Variants in EIF2AK3 observed in about 807,000 individuals in gnomAD.
EIF2AK3 encodes eukaryotic translation initiation factor 2 alpha kinase 3.
A neutral mutation model predicts 113.5 loss-of-function variants in EIF2AK3; 50 were observed. The ratio of observed to expected loss-of-function variants is 0.44; its 90% CI spans 0.35 to 0.56. EIF2AK3 has a LOEUF of 0.56. EIF2AK3 is among the 20% of genes least tolerant of loss of function. EIF2AK3 has a pLI of 0.00. For missense variants in EIF2AK3, 1,185 were observed against 1,378.0 expected, an observed-to-expected ratio of 0.86 and a Z score of 2.22; for synonymous variants, 448 against 495.4, an observed-to-expected ratio of 0.90 and a Z score of 1.27.
In EIF2AK3 at chr2:88,574,655, C is replaced by T. The variant is rs183891065; in HGVS notation, c.2817+11G>A. ...TTGAAACCCCAAGGGTGATGCTCCA[C>T]AAATACAGACCTTGAGGTCCCTGTG... On this transcript the variant is annotated intron_variant, in intron 13 of 16. Coordinates refer to ENST00000303236, the MANE Select transcript of EIF2AK3 (RefSeq NM_004836.7). 12 of 1,613,908 alleles carry T rather than the reference C, an allele frequency of 7.4e-6. No individual in the cohort carries two copies. The highest frequency in any genetic ancestry group is 1.7e-4 in the Middle Eastern group (1 of 6,060).
chr2:88,587,964 C>G lies in EIF2AK3; in HGVS notation c.1429+18G>C, dbSNP rs1674781821. ...AAATTAAAAAATAAAATAAATAAAA[C>G]TCAGTATTTTCACTTACCATATGGA... is the stretch of plus-strand genomic sequence containing the variant. On this transcript the variant is annotated intron_variant, in intron 8 of 16. Transcript: ENST00000303236. 1 of 1,506,662 alleles carries G rather than the reference C, an allele frequency of 6.6e-7. No homozygotes were observed. The highest frequency in any genetic ancestry group is 1.4e-5 in the African/African-American group (1 of 72,194). The allele number at this position is 1,506,662 out of a possible 1,614,324, so 93.3% of individuals were successfully genotyped here.
At chr2:88,617,550 T>C (rs1322146464) in intron 1 of EIF2AK3, among the ~76,000 whole-genome samples, 1 of 150,690 alleles carries the variant, frequency 6.6e-6, no homozygotes, top group East Asian at 2.0e-4. Context: ...GGTCAGGAGA[T>C]CAAGACCATC....
chr2:88,606,374 A>G (rs1675278007), intron 2 of EIF2AK3, among the ~76,000 whole-genome samples: 3 of 152,226 alleles, frequency 2.0e-5, no homozygotes, highest in Non-Finnish European at 4.4e-5. Context: ...ATGCTGGGAT[A>G]AATTAGCTTA....
chr2:88,586,003 A>T lies in EIF2AK3; in HGVS notation c.1488T>A (p.Ile496=), dbSNP rs759758335. 1 of 1,614,124 alleles carries T rather than the reference A, an allele frequency of 6.2e-7. No individual in the cohort carries two copies. Among genetic ancestry groups the T allele is most frequent in the Non-Finnish European group, 8.5e-7 (1 of 1,179,982 alleles). The stretch of plus-strand genomic sequence containing the variant: ...GTGGGTTGTCGAGGAATCTGACTGT[A>T]ATCTGTGTGCTTCGTTTGTTCCTCT... The part of the protein sequence containing the change: ...KRERNKRSTQ[I]TVRFLDNPHY... The change falls in exon 9 of 17, where the codon ATT becomes ATA. Residue 496 remains isoleucine, a synonymous_variant. Transcript: ENST00000303236.
chr2:88,567,367 G>A (rs1180726810), intron 14 of EIF2AK3, among the ~76,000 whole-genome samples: 1 of 152,136 alleles, frequency 6.6e-6, no homozygotes, highest in African/African-American at 2.4e-5. Flanking sequence ...TTTGTCGTCT[G>A]TAAGTGATAC....
chr2:88,595,537 C>T lies in EIF2AK3; in HGVS notation c.565G>A (p.Gly189Arg), dbSNP rs1394978406. The T allele has an allele frequency of 1.2e-6, 2 of 1,613,980 alleles. No homozygotes were observed. Among genetic ancestry groups the T allele is most frequent in the Non-Finnish European group, 8.5e-7 (1 of 1,179,980 alleles). ...ESLLESSYKF[G>R]DDVVLVGGKS... ...CCTCCAACCAAAACAACATCATCTC[C>T]AAATTTATAAGAAGATTCAAGAAGT... Residue 189 changes from glycine to arginine, a missense_variant, in exon 3 of 17, where the codon GGA (glycine) becomes AGA (arginine). This residue lies in a region of EIF2AK3 where 119 missense variants were observed against 178.7 expected (regional missense o/e 0.67). Transcript: ENST00000303236.
chr2:88,611,506 C>CT lies in EIF2AK3; in HGVS notation c.438+2217dup, dbSNP rs909961361. 4.7e-3 allele frequency among the ~76,000 whole-genome samples: 694 copies of CT among 147,056 alleles called. 3 individuals are homozygous for CT. The highest frequency in any genetic ancestry group is 0.01 in the Middle Eastern group (3 of 290). On this transcript the variant is annotated intron_variant, in intron 2 of 16. Transcript: ENST00000303236. ...AGCTGTTTCAATACCTTCAGATTTT[C>CT]TTTTTTTTTTTCTATGAAGTAGAAA... is the stretch of plus-strand genomic sequence containing the variant.
At chr2:88,587,227 A>AG (rs1674760002) in intron 8 of EIF2AK3, among the ~76,000 whole-genome samples, 1 of 149,358 alleles carries the variant, frequency 6.7e-6, no homozygotes, top group Non-Finnish European at 1.5e-5. Flanking sequence ...AAAAAAAAAA[A>AG]AAAAAGATAA....
intron 13 of EIF2AK3, among the ~76,000 whole-genome samples, chr2:88,574,230 C>G (rs1674390633): frequency 6.6e-6 from 1 of 152,166 alleles, no homozygotes; most frequent in Admixed American, 6.6e-5. Context: ...ACCCATGTCT[C>G]TCCTTCCATT....
At position 88,585,782 on chromosome 2, in the gene EIF2AK3, G is replaced by C. The variant is rs553916434; in HGVS notation, c.1650+59C>G. The C allele has an allele frequency of 2.6e-6, 4 of 1,545,954 alleles. No individual in the cohort carries two copies. The South Asian group carries it at 4.8e-5, about 18-fold the overall frequency. ...GATGGAAGCCAGACTGTGATGGGTT[G>C]AGAAGCAAATAGGAGGTGGGGAAGT... On this transcript the variant is annotated intron_variant, in intron 9 of 16. Coordinates refer to ENST00000303236, the MANE Select transcript of EIF2AK3 (RefSeq NM_004836.7).
rs1247986892 is a variant in EIF2AK3, at chr2:88,595,682, T to G, written c.439-19A>C. On this transcript the variant is annotated intron_variant, in intron 2 of 16. Transcript: ENST00000303236. ...CAAATACCTAAAACAGAAGCTAACT[T>G]TTTAAAAGGGCCATAACATTAATTA... 2 of 1,604,608 alleles carry G rather than the reference T, an allele frequency of 1.2e-6. No individual in the cohort carries two copies. The highest frequency in any genetic ancestry group is 1.7e-6 in the Non-Finnish European group (2 of 1,171,600).
intron 16 of EIF2AK3, among the ~76,000 whole-genome samples, chr2:88,558,183 G>A (rs1673837043): frequency 1.3e-5 from 2 of 152,076 alleles, no homozygotes; most frequent in African/African-American, 4.8e-5. Context: ...GTGGCAGGCT[G>A]GATTTGACCT....
intron 14 of EIF2AK3, among the ~76,000 whole-genome samples, chr2:88,570,449 C>CT (rs1163878618): frequency 6.6e-6 from 1 of 152,216 alleles, no homozygotes; most frequent in Non-Finnish European, 1.5e-5. Context: ...CTGTGTGCCT[C>CT]TATTTCCTAC....
At chr2:88,563,099 C>A (rs1674008667) in intron 14 of EIF2AK3, among the ~76,000 whole-genome samples, 1 of 146,912 alleles carries the variant, frequency 6.8e-6, no homozygotes, top group Non-Finnish European at 1.5e-5. Context: ...TTTGGTGACT[C>A]AGAAGAACCC....
intron 2 of EIF2AK3, among the ~76,000 whole-genome samples, chr2:88,607,455 C>G (rs2104460861): frequency 6.6e-6 from 1 of 152,314 alleles, no homozygotes; most frequent in African/African-American, 2.4e-5. Flanking sequence ...TATTCTAAGA[C>G]ACACAAACAT....
intron 1 of EIF2AK3, among the ~76,000 whole-genome samples, chr2:88,617,835 G>A (rs1441411022): frequency 6.6e-6 from 1 of 151,858 alleles, no homozygotes; most frequent in Non-Finnish European, 1.5e-5. Flanking sequence ...ATCAGCACAT[G>A]TACTTCCTGT....
intron 1 of EIF2AK3, among the ~76,000 whole-genome samples, chr2:88,616,911 G>A (rs1307013347): frequency 6.6e-6 from 1 of 152,046 alleles, no homozygotes; most frequent in Admixed American, 6.6e-5. Flanking sequence ...AAGTAAAGCC[G>A]CAAGTTGACC....
At chr2:88,563,505 C>G (rs1674020167) in intron 14 of EIF2AK3, among the ~76,000 whole-genome samples, 1 of 152,148 alleles carries the variant, frequency 6.6e-6, no homozygotes, top group South Asian at 2.1e-4. Flanking sequence ...CACCCTCACA[C>G]ACTATTTGGA....
At position 88,576,537 on chromosome 2, in the gene EIF2AK3, G is replaced by T. The variant is rs568343479; in HGVS notation, c.2036+17C>A. The T allele has an allele frequency of 5.6e-6, 9 of 1,613,772 alleles. No homozygotes were observed. In the South Asian group the frequency reaches 9.9e-5, roughly 18 times the overall value. ...GCAAAAAACTAGCTTAAGTGTATGTGTAACAAAGTTAGTTACCTTTCATCT... is the reference window on the plus strand; with the variant it reads ...GCAAAAAACTAGCTTAAGTGTATGTTTAACAAAGTTAGTTACCTTTCATCT... On this transcript the variant is annotated intron_variant, in intron 12 of 16. Coordinates refer to ENST00000303236, the MANE Select transcript of EIF2AK3 (RefSeq NM_004836.7).
Sources: allele counts gnomAD v4.1 joint callset (sites outside exome capture counted in the v4.1 genomes callset), GRCh38; gene constraint gnomAD v4.1.1; regional missense constraint gnomAD v4.1.1; transcripts MANE v1.5; gene names NCBI Gene and HGNC (gene_info 2026-07-23, HGNC 2026-07-21).